The following LDB2 variants were observed in gnomAD, a reference collection of about 807,000 sequenced individuals.
The protein encoded by LDB2 is LIM domain-binding protein 2.
Under a neutral mutation model 44.3 loss-of-function variants are expected in LDB2, and 12 were observed. The observed-to-expected ratio is 0.27, with a 90% CI of 0.17 to 0.44. The LOEUF (loss-of-function observed/expected upper bound fraction) is 0.44, where lower values mean the gene tolerates loss of function less well. Ranked by LOEUF, LDB2 falls within the 20% of genes least tolerant of loss-of-function variation. The pLI is 1.00. For missense variants in LDB2, 344 were observed against 473.5 expected, an observed-to-expected ratio of 0.73 and a Z score of 2.54; for synonymous variants, 164 against 174.8, an observed-to-expected ratio of 0.94 and a Z score of 0.49.
At chr4:16,560,998 C>A (rs572092219) in intron 5 of LDB2, among the ~76,000 whole-genome samples, 2 of 152,260 alleles carry the variant, frequency 1.3e-5, no homozygotes, top group East Asian at 3.9e-4. Context: ...GCAGAAAAGA[C>A]CTTTGACAAA....
intron 2 of LDB2, among the ~76,000 whole-genome samples, chr4:16,600,454 G>C (rs2152448841): frequency 6.6e-6 from 1 of 152,100 alleles, no homozygotes; most frequent in Non-Finnish European, 1.5e-5. Context: ...GAGAACACAG[G>C]AAGATTTTCT....
intron 1 of LDB2, among the ~76,000 whole-genome samples, chr4:16,778,643 C>T (rs1772491083): frequency 1.3e-5 from 2 of 152,314 alleles, no homozygotes; most frequent in Middle Eastern, 3.4e-3. Context: ...CAATTACTAC[C>T]TGTTGATAGA....
At chr4:16,838,176 T>C (rs1785225432) in intron 1 of LDB2, among the ~76,000 whole-genome samples, 1 of 152,226 alleles carries the variant, frequency 6.6e-6, no homozygotes, top group South Asian at 2.1e-4. Context: ...CATGGAGTTT[T>C]TCTGACATGG....
At chr4:16,783,797 A>C (rs1258498300) in intron 1 of LDB2, among the ~76,000 whole-genome samples, 1 of 152,232 alleles carries the variant, frequency 6.6e-6, no homozygotes, top group East Asian at 1.9e-4. Context: ...ATTATTAAAT[A>C]GTGTTTCTAA....
intron 2 of LDB2, among the ~76,000 whole-genome samples, chr4:16,646,093 CTGTT>C (rs1444860137): frequency 6.6e-6 from 1 of 152,186 alleles, no homozygotes; most frequent in Non-Finnish European, 1.5e-5. Context: ...CATTTGAGGA[CTGTT>C]TAAGCATTGA....
intron 1 of LDB2, among the ~76,000 whole-genome samples, chr4:16,877,506 G>T (rs1305272417): frequency 6.6e-6 from 1 of 152,234 alleles, no homozygotes; most frequent in Non-Finnish European, 1.5e-5. Context: ...AAACTGATGT[G>T]TGTTTATGAT....
At chr4:16,541,518 C>T in intron 5 of LDB2, among the ~76,000 whole-genome samples, 1 of 152,178 alleles carries the variant, frequency 6.6e-6, no homozygotes, top group East Asian at 1.9e-4. Flanking sequence ...AATAGCGATG[C>T]AAGAATGGCC....
At chr4:16,894,193 G>C (rs773881671) in intron 1 of LDB2, among the ~76,000 whole-genome samples, 1 of 152,068 alleles carries the variant, frequency 6.6e-6, no homozygotes, top group Non-Finnish European at 1.5e-5. Flanking sequence ...TAATTGTGCG[G>C]TTGTATTCTT....
intron 1 of LDB2, among the ~76,000 whole-genome samples, chr4:16,842,052 A>C (rs546599733): frequency 6.6e-6 from 1 of 152,184 alleles, no homozygotes; most frequent in South Asian, 2.1e-4. Flanking sequence ...ATCTATTTTC[A>C]TGGCTTTGGT....
chr4:16,806,512 C>G (rs1778822126), intron 1 of LDB2, among the ~76,000 whole-genome samples: 1 of 152,190 alleles, frequency 6.6e-6, no homozygotes, highest in Non-Finnish European at 1.5e-5. Flanking sequence ...ATCAATGAAG[C>G]TGGAGGTAGA....
chr4:16,568,532 C>T lies in LDB2; in HGVS notation c.615+17390G>A, dbSNP rs911791585. Among the ~76,000 whole-genome samples, 12 of 152,196 alleles carry T rather than the reference C, an allele frequency of 7.9e-5. 1 individual carries two copies. In the Middle Eastern group the frequency reaches 0.01, roughly 129 times the overall value. ...TAGGTATTAGCCCACTAACCCATCC[C>T]GAAACCCATTTTACAGAAGAGTAAC... is the stretch of plus-strand genomic sequence containing the variant. On this transcript the variant is annotated intron_variant, in intron 5 of 7. Transcript: ENST00000304523.
At chr4:16,636,146 T>C (rs1405615663) in intron 2 of LDB2, among the ~76,000 whole-genome samples, 1 of 152,224 alleles carries the variant, frequency 6.6e-6, no homozygotes, top group Non-Finnish European at 1.5e-5. Context: ...GGGCAAATCC[T>C]AAAAGTCATC....
At chr4:16,751,718 T>C (rs1765527119) in intron 2 of LDB2, among the ~76,000 whole-genome samples, 1 of 152,208 alleles carries the variant, frequency 6.6e-6, no homozygotes, top group Non-Finnish European at 1.5e-5. Flanking sequence ...ACTGTCTTTC[T>C]CCCAAGAACT....
At chr4:16,560,244 C>T (rs954160213) in intron 5 of LDB2, among the ~76,000 whole-genome samples, 1 of 152,040 alleles carries the variant, frequency 6.6e-6, no homozygotes, top group Non-Finnish European at 1.5e-5. Context: ...AATAGTGACA[C>T]CAAAAACCCT....
At chr4:16,534,103 A>T (rs1437677082) in intron 5 of LDB2, among the ~76,000 whole-genome samples, 1 of 152,190 alleles carries the variant, frequency 6.6e-6, no homozygotes, top group Non-Finnish European at 1.5e-5. Flanking sequence ...CAGCAGAATG[A>T]TGCACCATGC....
intron 2 of LDB2, among the ~76,000 whole-genome samples, chr4:16,749,575 A>AT (rs1437763956): frequency 3.8e-4 from 52 of 137,270 alleles, no homozygotes; most frequent in East Asian, 3.6e-3. Flanking sequence ...AAAAAAAATA[A>AT]AAAAATAAAA....
At chr4:16,537,404 A>C (rs76462032) in intron 5 of LDB2, among the ~76,000 whole-genome samples, 2,592 of 152,356 alleles carry the variant, frequency 0.017, 89 homozygotes, top group African/African-American at 0.059. Context: ...TTCAGGAAAA[A>C]ACAAAGTATG....
intron 1 of LDB2, among the ~76,000 whole-genome samples, chr4:16,818,179 T>C (rs944608864): frequency 1.3e-5 from 2 of 152,170 alleles, no homozygotes; most frequent in African/African-American, 4.8e-5. Context: ...TCTTTCTCTG[T>C]GTAGTACCAC....
At chr4:16,728,921 C>T (rs1002812916) in intron 2 of LDB2, among the ~76,000 whole-genome samples, 5 of 152,212 alleles carry the variant, frequency 3.3e-5, no homozygotes, top group Admixed American at 1.3e-4. Flanking sequence ...AGGCAGCTTG[C>T]ATGCAAATAA....
Sources: allele counts gnomAD v4.1 joint callset (sites outside exome capture counted in the v4.1 genomes callset), GRCh38; gene constraint gnomAD v4.1.1; transcripts MANE v1.5; gene names NCBI Gene and HGNC (gene_info 2026-07-23, HGNC 2026-07-21).